ZNF420: variants seen among roughly 807,000 people sequenced by gnomAD.
ZNF420 encodes the protein zinc finger protein 420.
Under a neutral mutation model 44.7 loss-of-function variants are expected in ZNF420, and 31 were observed. That is an observed-to-expected ratio of 0.69 (90% CI 0.52 to 0.94). The LOEUF (loss-of-function observed/expected upper bound fraction) is 0.94, where lower values mean the gene tolerates loss of function less well. Among genes scored for constraint, ZNF420 ranks in the 40% least tolerant of loss-of-function variants. The pLI is 0.00. For missense variants in ZNF420, 681 were observed against 827.9 expected, an observed-to-expected ratio of 0.82 and a Z score of 2.18; for synonymous variants, 245 against 267.4, an observed-to-expected ratio of 0.92 and a Z score of 0.82.
intron 1 of ZNF420, among the ~76,000 whole-genome samples, chr19:37,026,103 C>T (rs1270972980): frequency 2.0e-5 from 3 of 150,918 alleles, no homozygotes; most frequent in Admixed American, 1.3e-4. Context: ...GACCTGAGGT[C>T]GGGAGTTCAA....
intron 1 of ZNF420, among the ~76,000 whole-genome samples, chr19:37,023,124 C>T (rs762377551): frequency 2.0e-5 from 3 of 150,024 alleles, no homozygotes; most frequent in East Asian, 2.0e-4. Context: ...GGTGACAGAG[C>T]GAGACTCCGT....
At chr19:37,008,353 G>C (rs2074544403) in intron 1 of ZNF420, among the ~76,000 whole-genome samples, 1 of 152,176 alleles carries the variant, frequency 6.6e-6, no homozygotes, top group Non-Finnish European at 1.5e-5. Context: ...AATGTGCCCT[G>C]TGCGCCAAAG....
intron 1 of ZNF420, among the ~76,000 whole-genome samples, chr19:37,040,018 C>T (rs914384357): frequency 1.3e-5 from 2 of 152,212 alleles, no homozygotes; most frequent in Non-Finnish European, 2.9e-5. Flanking sequence ...GCATGAGCCA[C>T]CGTGGCTGGC....
chr19:37,108,604 A>G (rs911822044), intron 4 of ZNF420, among the ~76,000 whole-genome samples: 1 of 152,192 alleles, frequency 6.6e-6, no homozygotes, highest in African/African-American at 2.4e-5. Context: ...ATCAAATTCT[A>G]ATGCGGTATG....
chr19:37,028,298 C>T (rs1376143032), intron 1 of ZNF420, among the ~76,000 whole-genome samples: 1 of 152,190 alleles, frequency 6.6e-6, no homozygotes. Context: ...CAGGGATGAT[C>T]TCAGGGTTAC....
At chr19:37,097,440 T>A (rs546887656) in intron 4 of ZNF420, among the ~76,000 whole-genome samples, 1 of 152,204 alleles carries the variant, frequency 6.6e-6, no homozygotes, top group East Asian at 1.9e-4. Context: ...TTTGTACCTT[T>A]AAAAAAAGGC....
At chr19:37,105,557 A>T (rs552171118) in intron 4 of ZNF420, among the ~76,000 whole-genome samples, 162 of 152,208 alleles carry the variant, frequency 1.1e-3, no homozygotes, top group African/African-American at 3.9e-3. Flanking sequence ...CTTGATGGGG[A>T]TGGCATTGAA....
intron 1 of ZNF420, among the ~76,000 whole-genome samples, chr19:37,070,294 A>G (rs1968036216): frequency 6.6e-6 from 1 of 152,172 alleles, no homozygotes; most frequent in African/African-American, 2.4e-5. Flanking sequence ...ATTTTATAAA[A>G]AAAATTGTGA....
intron 1 of ZNF420, among the ~76,000 whole-genome samples, chr19:37,060,154 A>G (rs1408870404): frequency 6.6e-6 from 1 of 152,022 alleles, no homozygotes; most frequent in Non-Finnish European, 1.5e-5. Flanking sequence ...TGAGTGGTCT[A>G]TTCTCTAGAA....
chr19:37,033,453 C>A (rs1967298887), intron 1 of ZNF420, among the ~76,000 whole-genome samples: 1 of 152,184 alleles, frequency 6.6e-6, no homozygotes, highest in African/African-American at 2.4e-5. Context: ...TAAGTGGAAT[C>A]ATGCAGTATT....
chr19:37,094,619 C>G (rs1969334326), intron 4 of ZNF420, among the ~76,000 whole-genome samples: 1 of 152,248 alleles, frequency 6.6e-6, no homozygotes, highest in East Asian at 1.9e-4. Context: ...CCTAGGATTT[C>G]AAGGCCAGCA....
intron 1 of ZNF420, among the ~76,000 whole-genome samples, chr19:37,027,334 C>CTT (rs1967176835): frequency 6.6e-6 from 1 of 152,148 alleles, no homozygotes; most frequent in African/African-American, 2.4e-5. Flanking sequence ...AAATTGAGCT[C>CTT]TAATATCCCC....
At chr19:37,120,547 A>T (rs147367550) in intron 4 of ZNF420, among the ~76,000 whole-genome samples, 1 of 152,122 alleles carries the variant, frequency 6.6e-6, no homozygotes, top group Non-Finnish European at 1.5e-5. Flanking sequence ...GGAAGCACTC[A>T]CTTTGAAAAC....
chr19:37,105,465 T>C (rs1477174376), intron 4 of ZNF420, among the ~76,000 whole-genome samples: 2 of 148,340 alleles, frequency 1.3e-5, no homozygotes, highest in Admixed American at 6.8e-5. Context: ...TGGCTTAGGA[T>C]TGGCTTGGCA....
intron 4 of ZNF420, among the ~76,000 whole-genome samples, chr19:37,100,315 G>A (rs1178402110): frequency 2.0e-5 from 3 of 151,864 alleles, no homozygotes; most frequent in African/African-American, 7.3e-5. Flanking sequence ...ATTTGTCTAT[G>A]TGTCTGTTTT....
intron 1 of ZNF420, among the ~76,000 whole-genome samples, chr19:37,011,083 C>T (rs922562514): frequency 3.9e-5 from 6 of 152,204 alleles, no homozygotes; most frequent in African/African-American, 1.2e-4. Context: ...CCTGGGCTCT[C>T]GCCTCTGCTC....
intron 4 of ZNF420, among the ~76,000 whole-genome samples, chr19:37,123,775 G>C (rs1450740511): frequency 6.6e-6 from 1 of 151,118 alleles, no homozygotes; most frequent in Admixed American, 6.6e-5. Context: ...GCTAATTTGT[G>C]TGTGTGTATT....
intron 1 of ZNF420, among the ~76,000 whole-genome samples, chr19:37,016,704 G>A (rs2074611396): frequency 6.6e-6 from 1 of 152,218 alleles, no homozygotes; most frequent in South Asian, 2.1e-4. Flanking sequence ...GTGCTGAGGA[G>A]AAGCAGGAGC....
chr19:37,041,205 T>G (rs1967445962), intron 1 of ZNF420, among the ~76,000 whole-genome samples: 1 of 151,534 alleles, frequency 6.6e-6, no homozygotes, highest in African/African-American at 2.4e-5. Context: ...CTCCTGGAAA[T>G]TCTCCTGAGG....
Sources: gnomAD v4.1 joint callset for allele counts (sites outside exome capture counted in the v4.1 genomes callset) on GRCh38, gnomAD v4.1.1 for gene constraint, MANE v1.5 for transcripts, NCBI Gene and HGNC (gene_info 2026-07-23, HGNC 2026-07-21) for gene names.